The following SDK1 variants were observed in gnomAD, a reference collection of about 807,000 sequenced individuals.
SDK1 encodes the protein protein sidekick-1.
SDK1 carries 157 observed loss-of-function variants against 245.5 expected under a neutral mutation model. That is an observed-to-expected ratio of 0.64 (90% CI 0.56 to 0.73). The LOEUF is 0.73. Ranked by LOEUF, SDK1 falls within the 30% of genes least tolerant of loss-of-function variation. The probability of loss-of-function intolerance (pLI) is 0.00; values close to 1 mark genes in which losing one functional copy is unlikely to be tolerated. For missense variants in SDK1, 3,583 were observed against 3,002.3 expected, an observed-to-expected ratio of 1.19 and a Z score of -4.52; for synonymous variants, 1,647 against 1,278.5, an observed-to-expected ratio of 1.29 and a Z score of -6.15.
chr7:3,772,842 T>C (rs1366308536), intron 4 of SDK1, among the ~76,000 whole-genome samples: 1 of 152,206 alleles, frequency 6.6e-6, no homozygotes, highest in African/African-American at 2.4e-5. Context: ...TTCCTAGCTG[T>C]AGGATTCTTG....
rs975641217 is a variant in SDK1, at chr7:4,220,403, A to T, written c.5701+133A>T. ...GCCAAGAGCTGGCATCAACTCGGGG[A>T]TGTCTGGGCAACATGGACGTCTTCA... On this transcript the variant is annotated intron_variant, in intron 39 of 44. Transcript: ENST00000404826. 5 of 916,992 alleles carry T rather than the reference A, an allele frequency of 5.5e-6. No individual in the cohort carries two copies. The Admixed American group carries it at 1.4e-4, about 25-fold the overall frequency. The allele number at this position is 916,992 out of a possible 1,614,324, so 56.8% of individuals were successfully genotyped here.
intron 5 of SDK1, among the ~76,000 whole-genome samples, chr7:3,930,975 G>C (rs1779956261): frequency 6.6e-6 from 1 of 152,178 alleles, no homozygotes; most frequent in African/African-American, 2.4e-5. Flanking sequence ...AGTGATTTTT[G>C]CACATCTTGC....
At chr7:3,801,254 C>A (rs1190945412) in intron 4 of SDK1, among the ~76,000 whole-genome samples, 1 of 152,118 alleles carries the variant, frequency 6.6e-6, no homozygotes, top group Non-Finnish European at 1.5e-5. Flanking sequence ...AACCTTTCCC[C>A]CATTCTTTGT....
At chr7:4,085,648 G>A (rs530352323) in intron 22 of SDK1, among the ~76,000 whole-genome samples, 82 of 152,148 alleles carry the variant, frequency 5.4e-4, no homozygotes, top group African/African-American at 1.9e-3. Flanking sequence ...TCCACCTCCC[G>A]GGTTCAAGCT....
intron 1 of SDK1, among the ~76,000 whole-genome samples, chr7:3,570,566 C>A (rs1425842650): frequency 2.0e-5 from 3 of 152,200 alleles, no homozygotes; most frequent in Non-Finnish European, 4.4e-5. Context: ...CCATTTACTC[C>A]ATTACTCTTT....
chr7:3,562,667 A>C (rs1352476329), intron 1 of SDK1, among the ~76,000 whole-genome samples: 3 of 152,240 alleles, frequency 2.0e-5, no homozygotes, highest in Non-Finnish European at 2.9e-5. Context: ...TACATAACAT[A>C]AACTTACCAT....
At chr7:3,627,497 A>C (rs1782157063) in intron 2 of SDK1, among the ~76,000 whole-genome samples, 1 of 152,212 alleles carries the variant, frequency 6.6e-6, no homozygotes, top group South Asian at 2.1e-4. Context: ...GAGTTTGATT[A>C]GGAAGAGTCA....
intron 7 of SDK1, among the ~76,000 whole-genome samples, chr7:3,954,626 C>T (rs1347379251): frequency 7.4e-6 from 1 of 135,486 alleles, no homozygotes; most frequent in Non-Finnish European, 1.6e-5. Flanking sequence ...ACACCTTCCC[C>T]TCTGGCCTCC....
intron 5 of SDK1, among the ~76,000 whole-genome samples, chr7:3,906,359 T>C (rs754080535): frequency 1.3e-5 from 2 of 152,104 alleles, no homozygotes; most frequent in Non-Finnish European, 2.9e-5. Context: ...CATACTAATC[T>C]TTACAATGGT....
intron 1 of SDK1, among the ~76,000 whole-genome samples, chr7:3,341,403 A>G (rs982290579): frequency 1.3e-5 from 2 of 152,198 alleles, no homozygotes; most frequent in Non-Finnish European, 2.9e-5. Flanking sequence ...ACCATACTTC[A>G]TGATGAAAGA....
intron 35 of SDK1, among the ~76,000 whole-genome samples, chr7:4,185,430 A>G (rs1195785035): frequency 1.3e-5 from 2 of 152,158 alleles, no homozygotes; most frequent in African/African-American, 4.8e-5. Flanking sequence ...CCAGACCCCA[A>G]GCAGGCATCT....
chr7:3,395,065 C>G (rs969228455), intron 1 of SDK1, among the ~76,000 whole-genome samples: 6 of 151,950 alleles, frequency 3.9e-5, no homozygotes, highest in African/African-American at 1.4e-4. Context: ...ACATCTGTGC[C>G]TTTTACCCTG....
At chr7:3,559,472 T>G (rs1315886504) in intron 1 of SDK1, among the ~76,000 whole-genome samples, 2 of 152,108 alleles carry the variant, frequency 1.3e-5, no homozygotes, top group Non-Finnish European at 2.9e-5. Context: ...GATGAATGTT[T>G]CAAATTTTTT....
At chr7:3,599,422 G>C (rs1310671562) in intron 1 of SDK1, among the ~76,000 whole-genome samples, 1 of 152,082 alleles carries the variant, frequency 6.6e-6, no homozygotes, top group Non-Finnish European at 1.5e-5. Flanking sequence ...ATCTGTGTCT[G>C]TCTTCTCATC....
chr7:3,477,534 G>C (rs1261253665), intron 1 of SDK1, among the ~76,000 whole-genome samples: 1 of 147,482 alleles, frequency 6.8e-6, no homozygotes, highest in Non-Finnish European at 1.5e-5. Flanking sequence ...TTTTTTAAGA[G>C]ATGGGGGTCT....
rs1293493457 is a variant in SDK1, at chr7:3,505,748, G to C, written c.299-113332G>C. 3.3e-5 allele frequency among the ~76,000 whole-genome samples: 5 copies of C among 152,184 alleles called. No individual in the cohort carries two copies. The East Asian group carries it at 9.6e-4, about 29-fold the overall frequency. On this transcript the variant is annotated intron_variant, in intron 1 of 44. Coordinates refer to ENST00000404826, the MANE Select transcript of SDK1 (RefSeq NM_152744.4). ...TGGCTCAAAAATACAGTATTCCTGG[G>C]ATGCAAAACCTGTAGATGTGGAGAA... is the stretch of plus-strand genomic sequence containing the variant.
intron 35 of SDK1, among the ~76,000 whole-genome samples, chr7:4,188,562 T>G (rs907010751): frequency 6.6e-6 from 1 of 152,146 alleles, no homozygotes; most frequent in Non-Finnish European, 1.5e-5. Context: ...AGTGGTTGTG[T>G]GCTCAAACCT....
At chr7:3,631,268 T>C (rs1370054590) in intron 2 of SDK1, among the ~76,000 whole-genome samples, 1 of 152,196 alleles carries the variant, frequency 6.6e-6, no homozygotes, top group Non-Finnish European at 1.5e-5. Flanking sequence ...TTTTAATCTA[T>C]TGAGCTCTCT....
In SDK1 at chr7:3,959,306, C is replaced by T. The variant is rs73674361; in HGVS notation, c.1234+292C>T. On this transcript the variant is annotated intron_variant, in intron 8 of 44. Transcript: ENST00000404826. ...GGGACTCCATCATATCCTGTGGACT[C>T]CCCTTCCAAGGCCCTGACTTCACAA... is the stretch of plus-strand genomic sequence containing the variant. 5.1e-3 allele frequency among the ~76,000 whole-genome samples: 772 copies of T among 152,246 alleles called. 6 individuals are homozygous for T. Among genetic ancestry groups the T allele is most frequent in the African/African-American group, 0.018 (728 of 41,536 alleles).
Sources: allele counts gnomAD v4.1 joint callset (sites outside exome capture counted in the v4.1 genomes callset), GRCh38; gene constraint gnomAD v4.1.1; transcripts MANE v1.5; gene names NCBI Gene and HGNC (gene_info 2026-07-23, HGNC 2026-07-21).